LMBRD2: variants seen among roughly 807,000 people sequenced by gnomAD.
LMBRD2 encodes G protein-coupled receptor-associated protein LMBRD2.
LMBRD2 carries 55 observed loss-of-function variants against 94.4 expected under a neutral mutation model. That is an observed-to-expected ratio of 0.58 (90% CI 0.47 to 0.73). The LOEUF (loss-of-function observed/expected upper bound fraction) is 0.73. Ranked by LOEUF, LMBRD2 falls within the 30% of genes least tolerant of loss-of-function variation. The probability of loss-of-function intolerance (pLI) is 0.00; values close to 1 mark genes in which losing one functional copy is unlikely to be tolerated. For missense variants in LMBRD2, 640 were observed against 831.9 expected (o/e 0.77, Z 2.84); for synonymous variants, 246 against 272.4 (o/e 0.90, Z 0.95).
At chr5:36,110,585 A>G (rs1369228227) in intron 14 of LMBRD2, among the ~76,000 whole-genome samples, 1 of 152,018 alleles carries the variant, frequency 6.6e-6, no homozygotes, top group African/African-American at 2.4e-5. Context: ...TCATAATTAC[A>G]CAAAAGCCCC....
intron 2 of LMBRD2, 124 bp from the exon 3 acceptor site, chr5:36,142,723 T>TC (rs1200319110): frequency 1.7e-6 from 1 of 574,650 alleles, no homozygotes; most frequent in African/African-American, 1.9e-5. Context: ...ATTCTTTTTT[T>TC]TTTTTTTTTC....
Position 36,124,195 on chromosome 5 carries a change from T to G in LMBRD2, c.818A>C (p.Lys273Thr). ...CAGACAAGATGATTTCATTACCTTTTTAAGTATTGTATCAACACATTTTCT... is the reference window on the plus strand; with the variant it reads ...CAGACAAGATGATTTCATTACCTTTGTAAGTATTGTATCAACACATTTTCT... ...PLRKCVDTIL[K>T]KCPTEYQEKM... Residue 273 changes from lysine (K) to threonine (T), a missense_variant, in exon 7 of 18, where the codon AAA becomes ACA. Physicochemically the swap from Lys to Thr is moderately conservative, Grantham distance 78. Transcript: ENST00000296603. 6.5e-7 allele frequency: 1 copy of G among 1,539,274 alleles called. No individual in the cohort carries two copies. Among genetic ancestry groups the G allele is most frequent in the Non-Finnish European group, 9.0e-7 (1 of 1,115,454 alleles).
chr5:36,130,159 AC>A (rs1344941659), intron 6 of LMBRD2, among the ~76,000 whole-genome samples: 3 of 152,200 alleles, frequency 2.0e-5, no homozygotes, highest in Non-Finnish European at 2.9e-5. Context: ...CACATTGTGC[AC>A]ATGTACGCTA....
intron 10 of LMBRD2, 65 bp from the exon 11 acceptor site, chr5:36,116,658 A>T (rs1299421): frequency 4.8e-6 from 7 of 1,459,162 alleles, no homozygotes; most frequent in South Asian, 1.2e-5. Flanking sequence ...TAACAATTAC[A>T]GGCATTATCC....
At position 36,143,374 on chromosome 5, in the gene LMBRD2, C is replaced by T; in HGVS notation, c.-25G>A. 1.3e-6 allele frequency: 2 copies of T among 1,593,792 alleles called. No individual in the cohort carries two copies. The highest frequency in any genetic ancestry group is 1.3e-5 in the African/African-American group (1 of 74,286). ...TTATTGAATATTTCACTCTGACTAA[C>T]CAAAGTTATTCATGTACAGGTCTGG... On this transcript the variant is annotated 5_prime_UTR_variant, in exon 2 of 18. Coordinates refer to ENST00000296603, the MANE Select transcript of LMBRD2 (RefSeq NM_001007527.2).
chr5:36,128,126 A>G (rs1744048740), intron 6 of LMBRD2, among the ~76,000 whole-genome samples: 1 of 152,172 alleles, frequency 6.6e-6, no homozygotes, highest in Non-Finnish European at 1.5e-5. Flanking sequence ...TGCTCCAGAG[A>G]ATTCTTCCAG....
intron 12 of LMBRD2, 93 bp from the exon 13 acceptor site, chr5:36,114,614 T>G (rs1022749258): frequency 2.2e-6 from 3 of 1,345,822 alleles, no homozygotes; most frequent in Admixed American, 3.2e-5. Flanking sequence ...ACCAGTTATA[T>G]CAATCCATTT....
In LMBRD2 at chr5:36,100,054, T is replaced by C. The variant is rs1217819020; in HGVS notation, c.*3992A>G. On this transcript the variant is annotated 3_prime_UTR_variant, in exon 18 of 18. Coordinates refer to ENST00000296603, the MANE Select transcript of LMBRD2 (RefSeq NM_001007527.2). The stretch of plus-strand genomic sequence containing the variant: ...GTCTTCCAAGTCTCTGGGCAAAAAG[T>C]CACTGAGTTGGAAAGAAGTACCTCA... The C allele has an allele frequency of 6.6e-6, 1 of 152,056 alleles. No individual in the cohort carries two copies. Among genetic ancestry groups the C allele is most frequent in the Non-Finnish European group, 1.5e-5 (1 of 68,000 alleles). The allele number at this position is 152,056 out of a possible 1,614,324, so 9.4% of individuals were successfully genotyped here.
At chr5:36,108,705 C>T in intron 15 of LMBRD2, 66 bp from the exon 16 acceptor site, 1 of 617,948 alleles carries the variant, frequency 1.6e-6, no homozygotes, top group Non-Finnish European at 2.7e-6. Flanking sequence ...CAAGAGATTA[C>T]ATATGCAATA....
At position 36,100,146 on chromosome 5, in the gene LMBRD2, G is replaced by A. The variant is rs1743317716; in HGVS notation, c.*3900C>T. The stretch of plus-strand genomic sequence containing the variant: ...TCTTATATTGTTTCAACGCTCCTAA[G>A]AAAAGTTTTGATGATGTATGTTATT... On this transcript the variant is annotated 3_prime_UTR_variant, in exon 18 of 18. Transcript: ENST00000296603. The A allele has an allele frequency of 6.6e-6, 1 of 152,052 alleles. No individual in the cohort carries two copies. Among genetic ancestry groups the A allele is most frequent in the Admixed American group, 6.6e-5 (1 of 15,242 alleles). The allele number at this position is 152,052 out of a possible 1,614,324, so 9.4% of individuals were successfully genotyped here. A position where few individuals can be genotyped will look rare whatever the true frequency, so the allele number is the denominator to read the frequency against.
chr5:36,126,821 T>C (rs538022368), intron 6 of LMBRD2, among the ~76,000 whole-genome samples: 1 of 152,240 alleles, frequency 6.6e-6, no homozygotes, highest in Non-Finnish European at 1.5e-5. Context: ...AATAAAGTGA[T>C]TGAAGTTTGT....
chr5:36,141,740 CATG>C (rs1429807138), intron 3 of LMBRD2, among the ~76,000 whole-genome samples: 1 of 152,076 alleles, frequency 6.6e-6, no homozygotes, highest in Non-Finnish European at 1.5e-5. Context: ...TTTTTGAAGA[CATG>C]ATGAGTCTCT....
At chr5:36,142,198 G>A (rs988787889) in intron 3 of LMBRD2, among the ~76,000 whole-genome samples, 10 of 152,154 alleles carry the variant, frequency 6.6e-5, no homozygotes, top group African/African-American at 7.2e-5. Context: ...GATAGGCTGA[G>A]AGGAAAAACA....
In LMBRD2 at chr5:36,102,164, T is replaced by C. The variant is rs972467990; in HGVS notation, c.*1882A>G. On this transcript the variant is annotated 3_prime_UTR_variant, in exon 18 of 18. Coordinates refer to ENST00000296603, the MANE Select transcript of LMBRD2 (RefSeq NM_001007527.2). ...TAAGAAACTGGACCCATTTCTGGGA[T>C]GATCATTTCCCCATCCAATACCTTC... 6.6e-5 allele frequency: 10 copies of C among 151,970 alleles called. No homozygotes were observed. Among genetic ancestry groups the C allele is most frequent in the African/African-American group, 2.4e-4 (10 of 41,442 alleles). The allele number at this position is 151,970 out of a possible 1,614,324, so 9.4% of individuals were successfully genotyped here. A position where few individuals can be genotyped will look rare whatever the true frequency, so the allele number is the denominator to read the frequency against.
chr5:36,148,254 A>C (rs1744600240), intron 1 of LMBRD2, among the ~76,000 whole-genome samples: 1 of 152,008 alleles, frequency 6.6e-6, no homozygotes. Flanking sequence ...ATGAAAAAAA[A>C]AAAAAAACCA....
intron 1 of LMBRD2, among the ~76,000 whole-genome samples, chr5:36,149,804 G>A (rs1744645617): frequency 6.6e-6 from 1 of 152,206 alleles, no homozygotes; most frequent in Non-Finnish European, 1.5e-5. Context: ...TACTCAGGAA[G>A]GCTGAGGCAG....
chr5:36,108,567 CTT>C lies in LMBRD2; in HGVS notation c.1862_1863del (p.Lys621ArgfsTer8), dbSNP rs1561511103. 6.3e-7 allele frequency: 1 copy of C among 1,594,218 alleles called. No individual in the cohort carries two copies. The highest frequency in any genetic ancestry group is 8.6e-7 in the Non-Finnish European group (1 of 1,166,358). ...GTATTAACATCTGAGAAGTTTGACT[CTT>C]TGGGGTCAGTATGAATATTTCTGTT... ...TRNRNIHTDP[K>X]ESNFSDVNTN... On this transcript the variant is annotated frameshift_variant, in exon 16 of 18. Coordinates refer to ENST00000296603, the MANE Select transcript of LMBRD2 (RefSeq NM_001007527.2). LOFTEE classifies it high-confidence loss of function.
intron 1 of LMBRD2, among the ~76,000 whole-genome samples, chr5:36,150,531 C>G (rs754096114): frequency 9.2e-5 from 14 of 152,158 alleles, no homozygotes; most frequent in Non-Finnish European, 1.3e-4. Flanking sequence ...ATATTTTCTC[C>G]TATGAGTTGC....
At chr5:36,119,412 A>AT (rs59582758) in intron 9 of LMBRD2, among the ~76,000 whole-genome samples, 152,287 of 152,308 alleles carry the variant, frequency 1, 76,133 homozygotes, top group Non-Finnish European at 1. Context: ...ATTCTATCAC[A>AT]TTTTACCGTT....
Sources: gnomAD v4.1 joint callset for allele counts (sites outside exome capture counted in the v4.1 genomes callset) on GRCh38, gnomAD v4.1.1 for gene constraint, MANE v1.5 for transcripts, NCBI Gene and HGNC (gene_info 2026-07-23, HGNC 2026-07-21) for gene names.